CDH8: variants seen among roughly 807,000 people sequenced by gnomAD.
The protein encoded by CDH8 is cadherin 8.
A neutral mutation model predicts 68.1 loss-of-function variants in CDH8; 17 were observed. That is an observed-to-expected ratio of 0.25 (90% CI 0.17 to 0.37). CDH8 has a LOEUF of 0.37. Ranked by LOEUF, CDH8 falls within the 10% of genes least tolerant of loss-of-function variation. The pLI, the probability that CDH8 is intolerant of heterozygous loss-of-function variation, is 1.00. For missense variants in CDH8, 763 were observed against 999.3 expected, an observed-to-expected ratio of 0.76 and a Z score of 3.19; for synonymous variants, 372 against 365.1, an observed-to-expected ratio of 1.02 and a Z score of -0.21.
chr16:61,808,172 T>A (rs181553256), intron 7 of CDH8, among the ~76,000 whole-genome samples: 2 of 152,298 alleles, frequency 1.3e-5, no homozygotes. Flanking sequence ...CTATTCTAAG[T>A]CAGTTTCTTG....
intron 4 of CDH8, among the ~76,000 whole-genome samples, chr16:61,844,319 T>C (rs937111357): frequency 4.7e-5 from 7 of 149,106 alleles, no homozygotes; most frequent in African/African-American, 1.5e-4. Context: ...TTAGGAGATA[T>C]ACCTAATGCT....
chr16:61,907,728 A>C (rs1964086495), intron 2 of CDH8, among the ~76,000 whole-genome samples: 1 of 151,602 alleles, frequency 6.6e-6, no homozygotes, highest in Admixed American at 6.6e-5. Flanking sequence ...CTGGGGAGAA[A>C]ACCTACACCT....
At chr16:61,840,561 C>G (rs1316779745) in intron 4 of CDH8, among the ~76,000 whole-genome samples, 1 of 151,882 alleles carries the variant, frequency 6.6e-6, no homozygotes, top group South Asian at 2.1e-4. Context: ...TACTTTTTTT[C>G]CTTTATGAGC....
At chr16:61,895,706 A>T (rs1164035464) in intron 3 of CDH8, among the ~76,000 whole-genome samples, 1 of 152,218 alleles carries the variant, frequency 6.6e-6, no homozygotes, top group East Asian at 1.9e-4. Context: ...GCATTTTGAA[A>T]TATAAAGTTA....
chr16:61,939,622 T>C (rs1964680591), intron 2 of CDH8, among the ~76,000 whole-genome samples: 3 of 152,208 alleles, frequency 2.0e-5, no homozygotes, highest in Admixed American at 2.0e-4. Context: ...ATACTGCACC[T>C]TCCTAGTAGC....
At chr16:61,940,985 G>A (rs1964715164) in intron 2 of CDH8, among the ~76,000 whole-genome samples, 1 of 152,224 alleles carries the variant, frequency 6.6e-6, no homozygotes, top group Non-Finnish European at 1.5e-5. Flanking sequence ...AATGTAGGAA[G>A]ATGTGGGAAT....
intron 2 of CDH8, among the ~76,000 whole-genome samples, chr16:61,941,830 C>A (rs1292433153): frequency 1.3e-5 from 2 of 152,148 alleles, no homozygotes; most frequent in Non-Finnish European, 2.9e-5. Context: ...TTTTCTTTTG[C>A]AGAACTCAAA....
intron 9 of CDH8, among the ~76,000 whole-genome samples, chr16:61,717,391 G>A (rs1462355774): frequency 1.3e-5 from 2 of 151,368 alleles, no homozygotes; most frequent in African/African-American, 2.4e-5. Context: ...TTAAATAAAC[G>A]TTCTAAGACA....
At chr16:61,997,001 ATGTGTG>A (rs539962151) in intron 2 of CDH8, among the ~76,000 whole-genome samples, 1 of 86,172 alleles carries the variant, frequency 1.2e-5, no homozygotes, top group Non-Finnish European at 2.7e-5. Flanking sequence ...TATTGTGTGT[ATGTGTG>A]TGTGTGTGTG....
At chr16:61,693,958 C>T (rs1210463491) in intron 10 of CDH8, among the ~76,000 whole-genome samples, 1 of 152,072 alleles carries the variant, frequency 6.6e-6, no homozygotes, top group African/African-American at 2.4e-5. Flanking sequence ...GTGGTAAATG[C>T]TTTACCTCAT....
At position 61,690,362 on chromosome 16, in the gene CDH8, G is replaced by A. The variant is rs1352904320; in HGVS notation, c.1654+23479C>T. Among the ~76,000 whole-genome samples the A allele has an allele frequency of 2.0e-5, 3 of 152,038 alleles. No individual in the cohort carries two copies. The East Asian group carries it at 5.8e-4, about 29-fold the overall frequency. ...GAATAACTGGGCAGAGTGGTGGCAAGTTATAAACCCTCTTGCTAAATGTGT... is the reference window on the plus strand; with the variant it reads ...GAATAACTGGGCAGAGTGGTGGCAAATTATAAACCCTCTTGCTAAATGTGT... On this transcript the variant is annotated intron_variant, in intron 10 of 11. Coordinates refer to ENST00000577390, the MANE Select transcript of CDH8 (RefSeq NM_001796.5).
At chr16:61,706,640 A>T (rs907665775) in intron 10 of CDH8, among the ~76,000 whole-genome samples, 3 of 151,364 alleles carry the variant, frequency 2.0e-5, no homozygotes, top group Non-Finnish European at 4.4e-5. Context: ...AAAAAAAAAA[A>T]AAAAGTGTAA....
chr16:61,725,039 T>A (rs1296190866), intron 9 of CDH8: 1 of 150,862 alleles, frequency 6.6e-6, no homozygotes, highest in African/African-American at 2.4e-5. Context: ...TGTTGTTAAG[T>A]CATCAAAGAT....
chr16:61,823,862 T>C (rs560704704), intron 5 of CDH8, among the ~76,000 whole-genome samples: 2 of 152,066 alleles, frequency 1.3e-5, no homozygotes, highest in African/African-American at 4.8e-5. Context: ...CATACATGGC[T>C]GTACACCATC....
At chr16:61,655,137 G>A (rs1040150297) in intron 11 of CDH8, among the ~76,000 whole-genome samples, 3 of 152,142 alleles carry the variant, frequency 2.0e-5, no homozygotes, top group African/African-American at 7.2e-5. Context: ...CAGTGAACTG[G>A]TGTGCCTCAC....
chr16:61,882,510 C>A (rs1398830159), intron 3 of CDH8, among the ~76,000 whole-genome samples: 1 of 152,122 alleles, frequency 6.6e-6, no homozygotes, highest in Admixed American at 6.5e-5. Context: ...CTCAACAGTT[C>A]CAAAAATTTT....
intron 11 of CDH8, among the ~76,000 whole-genome samples, chr16:61,655,013 A>AT (rs1963410618): frequency 6.6e-6 from 1 of 152,220 alleles, no homozygotes; most frequent in South Asian, 2.1e-4. Flanking sequence ...AAGAAAACTT[A>AT]TTTTTAGTTT....
intron 9 of CDH8, among the ~76,000 whole-genome samples, chr16:61,723,667 C>T (rs1159597721): frequency 6.6e-6 from 1 of 150,682 alleles, no homozygotes; most frequent in East Asian, 2.0e-4. Flanking sequence ...CTAGCCCAGT[C>T]CTGGAACATA....
At chr16:61,955,948 A>G (rs1964980999) in intron 2 of CDH8, among the ~76,000 whole-genome samples, 1 of 152,220 alleles carries the variant, frequency 6.6e-6, no homozygotes, top group African/African-American at 2.4e-5. Flanking sequence ...CTATCCCACA[A>G]TTAAACAAAC....
Sources: gnomAD v4.1 joint callset for allele counts (sites outside exome capture counted in the v4.1 genomes callset) on GRCh38, gnomAD v4.1.1 for gene constraint, MANE v1.5 for transcripts, NCBI Gene and HGNC (gene_info 2026-07-23, HGNC 2026-07-21) for gene names.